The following RABL6 variants were observed in gnomAD, a reference collection of about 807,000 sequenced individuals.
The protein encoded by RABL6 is RAB, member RAS oncogene family like 6, also known as rab-like protein 6.
RABL6 carries 28 observed loss-of-function variants against 72.9 expected under a neutral mutation model. That is an observed-to-expected ratio of 0.38 (90% CI 0.28 to 0.53). The LOEUF (loss-of-function observed/expected upper bound fraction) is 0.53. Ranked by LOEUF, RABL6 falls within the 20% of genes least tolerant of loss-of-function variation. The pLI is 0.80. For missense variants in RABL6, 1,029 were observed against 1,008.4 expected (o/e 1.02, Z -0.28); for synonymous variants, 477 against 421.2 (o/e 1.13, Z -1.62).
rs1848097922 is a variant in RABL6, at chr9:136,815,328, T to G, written c.130+7002T>G. On this transcript the variant is annotated intron_variant, in intron 1 of 14. Coordinates refer to ENST00000311502, the MANE Select transcript of RABL6 (RefSeq NM_024718.5). ...CTTGGTGGGTGTGGCACCTGCAGCC[T>G]TTTTTGTTCGGGAAACTGTCACCTT... The G allele has an allele frequency of 1.1e-5, 3 of 274,096 alleles. No individual in the cohort carries two copies. The South Asian group carries it at 1.2e-4, about 11-fold the overall frequency. The allele number at this position is 274,096 out of a possible 1,614,324, so 17.0% of individuals were successfully genotyped here.
rs150981498 is a variant in RABL6, at chr9:136,832,725, G to A, written c.705+355G>A. ...TGGCTCACTGCGGCCTCAAACTCCG[G>A]GGCTCAGGCAATCCTCCCACCTGTC... On this transcript the variant is annotated intron_variant, in intron 7 of 14. Coordinates refer to ENST00000311502, the MANE Select transcript of RABL6 (RefSeq NM_024718.5). 6.5e-4 allele frequency: 237 copies of A among 367,238 alleles called. 1 individual carries two copies. In the East Asian group the frequency reaches 0.015, roughly 23 times the overall value. 22.7% of individuals were successfully genotyped at this position (367,238 alleles called of 1,614,324 possible).
intron 1 of RABL6, chr9:136,814,575 C>G (rs902958467): frequency 2.0e-5 from 3 of 151,868 alleles, no homozygotes; most frequent in Non-Finnish European, 4.4e-5. Context: ...CATGGTGAAA[C>G]CCCGTCTCTA....
intron 1 of RABL6, chr9:136,814,045 A>T (rs1848067750): frequency 2.5e-6 from 1 of 394,980 alleles, no homozygotes; most frequent in African/African-American, 2.2e-5. Flanking sequence ...TTCATTGCCA[A>T]AGTCTTTCAA....
rs529423335 is a variant in RABL6, at chr9:136,825,903, C to T, written c.313+77C>T. 6.2e-4 allele frequency: 939 copies of T among 1,511,338 alleles called. 4 individuals are homozygous for T. The highest frequency in any genetic ancestry group is 2.1e-3 in the East Asian group (92 of 44,086). 93.6% of individuals were successfully genotyped at this position (1,511,338 alleles called of 1,614,324 possible). A position where few individuals can be genotyped will look rare whatever the true frequency, so the allele number is the denominator to read the frequency against. On this transcript the variant is annotated intron_variant, in intron 3 of 14. Transcript: ENST00000311502. Reference sequence around the variant, plus strand: ...GCAGAGAGGCTTCCTTTCTTTCCCCCGGCGCCCATGCATCACCCACCATCC... The same window carrying T: ...GCAGAGAGGCTTCCTTTCTTTCCCCTGGCGCCCATGCATCACCCACCATCC...
At chr9:136,832,063 A>G in intron 6 of RABL6, 1 of 964,580 alleles carries the variant, frequency 1.0e-6, no homozygotes, top group Non-Finnish European at 1.5e-6. Context: ...ACTGTGTGCC[A>G]GGGTGAAGTG....
intron 4 of RABL6, among the ~76,000 whole-genome samples, chr9:136,828,754 C>T (rs79273631): frequency 3.3e-5 from 5 of 152,172 alleles, no homozygotes; most frequent in Admixed American, 2.0e-4. Flanking sequence ...ACAGACATCA[C>T]GTTGGACTGA....
chr9:136,817,713 C>T (rs1015090795), intron 1 of RABL6, among the ~76,000 whole-genome samples: 1 of 152,138 alleles, frequency 6.6e-6, no homozygotes, highest in Non-Finnish European at 1.5e-5. Flanking sequence ...GAAATAAATA[C>T]TGAAGGTTAT....
intron 1 of RABL6, among the ~76,000 whole-genome samples, chr9:136,818,653 G>C (rs768323716): frequency 1.3e-5 from 2 of 151,946 alleles, no homozygotes; most frequent in African/African-American, 2.4e-5. Flanking sequence ...GCTGAGACAG[G>C]AGAATCACTT....
At chr9:136,815,377 TC>T (rs1848099134) in intron 1 of RABL6, 1 of 279,098 alleles carries the variant, frequency 3.6e-6, no homozygotes, top group Non-Finnish European at 7.3e-6. Context: ...GCAGCAGCCT[TC>T]TTGCCTTTCT....
intron 8 of RABL6, 196 bp downstream of exon 8, chr9:136,836,041 G>A (rs1035309278): frequency 2.9e-5 from 17 of 579,200 alleles, no homozygotes; most frequent in South Asian, 1.7e-4. Context: ...CACCCCTGGC[G>A]TGGACTCCTC....
At chr9:136,813,340 TTG>T (rs1402368574) in intron 1 of RABL6, 1 of 765,386 alleles carries the variant, frequency 1.3e-6, no homozygotes, top group African/African-American at 1.7e-5. Flanking sequence ...AAAAGTTGCC[TTG>T]TCTCAGATTC....
chr9:136,828,380 G>A, intron 3 of RABL6, 114 bp from the exon 4 acceptor site: 4 of 1,051,364 alleles, frequency 3.8e-6, no homozygotes, highest in Non-Finnish European at 4.3e-6. Context: ...TTGGGGTGGT[G>A]GAGTAGAGCA....
At position 136,808,279 on chromosome 9, in the gene RABL6, T is replaced by C; in HGVS notation, c.83T>C (p.Met28Thr). ...AACATCCCCGCCGGGCTGCAGTCCA[T>C]GAACCAGGCGTTGCAGAGGCGCTTC... ...DKNIPAGLQS[M>T]NQALQRRFAK... is the part of the protein sequence containing the mutation. The change falls in exon 1 of 15, where the codon ATG becomes ACG. Residue 28 changes from methionine (M) to threonine (T), a missense_variant. By Grantham distance (81) the Met-to-Thr change is moderately conservative. Coordinates refer to ENST00000311502, the MANE Select transcript of RABL6 (RefSeq NM_024718.5). 1.3e-6 allele frequency: 2 copies of C among 1,562,804 alleles called. No homozygotes were observed. Among genetic ancestry groups the C allele is most frequent in the Non-Finnish European group, 1.7e-6 (2 of 1,155,990 alleles).
chr9:136,840,972 C>G lies in RABL6; in HGVS notation c.*450C>G. The G allele has an allele frequency of 2.8e-6, 4 of 1,454,434 alleles. No homozygotes were observed. In the South Asian group the frequency reaches 5.8e-5, roughly 21 times the overall value. 90.1% of individuals were successfully genotyped at this position (1,454,434 alleles called of 1,614,324 possible). A position where few individuals can be genotyped will look rare whatever the true frequency, so the allele number is the denominator to read the frequency against. The stretch of plus-strand genomic sequence containing the variant: ...CGCTTCCGGCCGGGAGCCCTGAACA[C>G]GGGTGTGCAGACTCACCCTAAAGGG... On this transcript the variant is annotated 3_prime_UTR_variant, in exon 15 of 15. Coordinates refer to ENST00000311502, the MANE Select transcript of RABL6 (RefSeq NM_024718.5).
In RABL6 at chr9:136,839,042, G is replaced by C. The variant is rs751187546; in HGVS notation, c.1414G>C (p.Glu472Gln). 1 of 1,612,576 alleles carries C rather than the reference G, an allele frequency of 6.2e-7. No homozygotes were observed. Among genetic ancestry groups the C allele is most frequent in the Admixed American group, 1.7e-5 (1 of 60,012 alleles). Residue 472 changes from glutamate (E) to glutamine (Q), a missense_variant, in exon 11 of 15, where the codon GAG (glutamate) becomes CAG (glutamine). This residue lies in a region of RABL6 where 595 missense variants were observed against 472.4 expected (regional missense o/e 1.26). Coordinates refer to ENST00000311502, the MANE Select transcript of RABL6 (RefSeq NM_024718.5). ...VPSQDITLSSEEEAEVAAPTK... is the reference protein window; with the variant it reads ...VPSQDITLSSQEEAEVAAPTK... ...CAGTCAAGACATCACTCTTTCGAGT[G>C]AGGAGGAAGCAGAAGTGGCAGCTCC...
chr9:136,828,355 C>A (rs1301297873), intron 3 of RABL6, 139 bp from the exon 4 acceptor site: 3 of 786,826 alleles, frequency 3.8e-6, no homozygotes, highest in East Asian at 5.4e-5. Context: ...TGTGGGTGCC[C>A]ACGCTGCAGG....
At chr9:136,817,621 T>TGGG (rs1848147862) in intron 1 of RABL6, among the ~76,000 whole-genome samples, 2 of 75,528 alleles carry the variant, frequency 2.6e-5, no homozygotes, top group Admixed American at 3.0e-4. Context: ...GGCTGAGGTC[T>TGGG]CTGTCTGATG....
chr9:136,811,527 A>T (rs1408125393), intron 1 of RABL6, among the ~76,000 whole-genome samples: 1 of 151,400 alleles, frequency 6.6e-6, no homozygotes. Context: ...CTGAGGCGGG[A>T]GAATCGCTTG....
chr9:136,837,923 C>G lies in RABL6; in HGVS notation c.1188C>G (p.Asp396Glu). 1 of 1,554,508 alleles carries G rather than the reference C, an allele frequency of 6.4e-7. No individual in the cohort carries two copies. Among genetic ancestry groups the G allele is most frequent in the Non-Finnish European group, 8.7e-7 (1 of 1,149,552 alleles). ...TVQSVEDFVP[D>E]DRLDRSFLED... ...AGAGTGTGGAGGACTTTGTTCCTGA[C>G]GACCGCCTGGACCGCAGCTTCCTGG... Residue 396 changes from aspartate to glutamate, a missense_variant, in exon 10 of 15, where the codon GAC (aspartate) becomes GAG (glutamate). Transcript: ENST00000311502.
Sources: gnomAD v4.1 joint callset for allele counts (sites outside exome capture counted in the v4.1 genomes callset) on GRCh38, gnomAD v4.1.1 for gene constraint, gnomAD v4.1.1 regional missense constraint, MANE v1.5 for transcripts, NCBI Gene and HGNC (gene_info 2026-07-23, HGNC 2026-07-21) for gene names.